The following ATP11C variants were observed in gnomAD, a reference collection of about 807,000 sequenced individuals.
ATP11C encodes ATPase phospholipid transporting 11C (ATP11C blood group).
A neutral mutation model predicts 97.4 loss-of-function variants in ATP11C; 36 were observed. The observed-to-expected ratio is 0.37, with a 90% CI of 0.28 to 0.49. The LOEUF (loss-of-function observed/expected upper bound fraction) is 0.49, where lower values mean the gene tolerates loss of function less well. Ranked by LOEUF, ATP11C falls within the 20% of genes least tolerant of loss-of-function variation. The pLI is 0.98. For missense variants in ATP11C, 730 were observed against 824.6 expected (o/e 0.89, Z 1.40); for synonymous variants, 275 against 290.9 (o/e 0.95, Z 0.56).
intron 1 of ATP11C, among the ~76,000 whole-genome samples, chrX:139,911,806 C>T (rs2085079638): frequency 9.0e-6 from 1 of 111,252 alleles, no homozygotes; most frequent in South Asian, 3.8e-4. Context: ...AATGGATAAA[C>T]TCTAGTAAAC....
rs141648306 is a variant in ATP11C, at chrX:139,740,001, A to G, written c.3134+990T>C. Among the ~76,000 whole-genome samples, 544 of 111,759 alleles carry G rather than the reference A, an allele frequency of 4.9e-3. 5 individuals carry two copies. The highest frequency in any genetic ancestry group is 0.016 in the African/African-American group (503 of 30,858). On this transcript the variant is annotated intron_variant, in intron 27 of 29. Transcript: ENST00000682941. The stretch of plus-strand genomic sequence containing the variant: ...CATATTTTTATTTCTTAAGGTTTTT[A>G]TTTTTAAAAAGCTTTTCAAAATAGA...
intron 1 of ATP11C, among the ~76,000 whole-genome samples, chrX:139,853,279 G>GAGAGAC: frequency 9.1e-6 from 1 of 109,674 alleles, no homozygotes; most frequent in African/African-American, 3.3e-5. Flanking sequence ...AGCAGAGAGA[G>GAGAGAC]AGAGACAGAG....
rs781663475 is a variant in ATP11C, at chrX:139,845,162, T to C, written c.28-18339A>G. ...GGCCCAAGGGACCCTGTCTCTTTCT[T>C]TAGGGGGTTCATAGCCTCCAGTCAG... On this transcript the variant is annotated intron_variant, in intron 1 of 29. Coordinates refer to ENST00000682941, the MANE Select transcript of ATP11C (RefSeq NM_001353812.2). Among the ~76,000 whole-genome samples the C allele has an allele frequency of 7.2e-5, 8 of 110,885 alleles. No homozygotes were observed. The Admixed American group carries it at 7.7e-4, about 11-fold the overall frequency.
At chrX:139,821,710 A>G (rs2083411882) in intron 2 of ATP11C, among the ~76,000 whole-genome samples, 1 of 111,901 alleles carries the variant, frequency 8.9e-6, no homozygotes, top group African/African-American at 3.3e-5. Context: ...TCCTTCATCA[A>G]GTCATGAGCT....
intron 18 of ATP11C, among the ~76,000 whole-genome samples, chrX:139,776,160 T>C (rs1466509784): frequency 8.9e-6 from 1 of 112,625 alleles, no homozygotes; most frequent in African/African-American, 3.2e-5. Flanking sequence ...CCACCCCCTG[T>C]ACACTGTTGT....
At chrX:139,848,637 C>A (rs1245436306) in intron 1 of ATP11C, among the ~76,000 whole-genome samples, 1 of 110,562 alleles carries the variant, frequency 9.0e-6, no homozygotes, top group Admixed American at 9.6e-5. Context: ...GTAGCTGGGC[C>A]TACAGGCATG....
intron 7 of ATP11C, among the ~76,000 whole-genome samples, chrX:139,800,977 T>C (rs1322195028): frequency 8.9e-6 from 1 of 112,141 alleles, no homozygotes; most frequent in Non-Finnish European, 1.9e-5. Flanking sequence ...AAGAAATGGC[T>C]CCTTGCCCTA....
At chrX:139,776,752 C>T (rs2082356772) in intron 18 of ATP11C, among the ~76,000 whole-genome samples, 1 of 111,890 alleles carries the variant, frequency 8.9e-6, no homozygotes, top group South Asian at 3.8e-4. Context: ...AAATAAATAA[C>T]TTGCTGCCAG....
At chrX:139,931,906 T>C in intron 1 of ATP11C, 110 bp downstream of exon 1, 1 of 911,663 alleles carries the variant, frequency 1.1e-6, no homozygotes, top group East Asian at 4.0e-5. Flanking sequence ...GGGGTGGTGG[T>C]GTCTCCCAGA....
chrX:139,787,226 T>G lies in ATP11C; in HGVS notation c.1539A>C (p.Leu513Phe). The G allele has an allele frequency of 1.7e-6, 2 of 1,188,123 alleles. No individual in the cohort carries two copies. The highest frequency in any genetic ancestry group is 2.3e-6 in the Non-Finnish European group (2 of 874,969). Residue 513 changes from leucine to phenylalanine, a missense_variant, in exon 15 of 30, where the codon TTA (leucine) becomes TTC (phenylalanine). By Grantham distance (22) the Leu-to-Phe change is conservative. Coordinates refer to ENST00000682941, the MANE Select transcript of ATP11C (RefSeq NM_001353812.2). ...CTCTCATATATCCATTTCGATTTCC[T>G]AAAAATGTGAACCCGTACCTATCAA... ...KGAKRYGFTF[L>F]GNRNGYMRVE...
At chrX:139,855,202 C>A (rs1028314909) in intron 1 of ATP11C, among the ~76,000 whole-genome samples, 1 of 111,626 alleles carries the variant, frequency 9.0e-6, no homozygotes, top group African/African-American at 3.3e-5. Flanking sequence ...ATAGGTGCTA[C>A]AGGAAATTTC....
At position 139,811,490 on chromosome X, in the gene ATP11C, G is replaced by C. The variant is rs2083174332; in HGVS notation, c.426+3388C>G. Among the ~76,000 whole-genome samples, 4 of 111,057 alleles carry C rather than the reference G, an allele frequency of 3.6e-5. No homozygotes were observed. In the South Asian group the frequency reaches 1.5e-3, roughly 42 times the overall value. ...TTTCCCATCTTATTTAAAAGCACTAGCATTTTCTTTAATAGCACTATGTAA... is the reference window on the plus strand; with the variant it reads ...TTTCCCATCTTATTTAAAAGCACTACCATTTTCTTTAATAGCACTATGTAA... On this transcript the variant is annotated intron_variant, in intron 5 of 29. Coordinates refer to ENST00000682941, the MANE Select transcript of ATP11C (RefSeq NM_001353812.2).
chrX:139,784,428 C>G (rs1196361640), intron 16 of ATP11C, among the ~76,000 whole-genome samples: 1 of 111,699 alleles, frequency 9.0e-6, no homozygotes, highest in East Asian at 2.8e-4. Flanking sequence ...TCTGTATCCT[C>G]CCATTCTGAC....
At chrX:139,925,138 T>TTAC (rs2085331110) in intron 1 of ATP11C, among the ~76,000 whole-genome samples, 1 of 112,017 alleles carries the variant, frequency 8.9e-6, no homozygotes, top group Non-Finnish European at 1.9e-5. Context: ...ATTTCCGTGT[T>TTAC]TACTATATTA....
intron 8 of ATP11C, 45 bp downstream of exon 8, chrX:139,800,015 C>G (rs202223327): frequency 2.6e-5 from 5 of 193,793 alleles, no homozygotes; most frequent in South Asian, 1.2e-4. Context: ...AAAAATAGAC[C>G]CCCCCCCCCA....
intron 1 of ATP11C, among the ~76,000 whole-genome samples, chrX:139,849,596 A>G (rs943756297): frequency 9.0e-6 from 1 of 110,964 alleles, no homozygotes; most frequent in East Asian, 2.9e-4. Context: ...CCTCCTCTTC[A>G]CTCTTTCAGC....
At position 139,742,874 on chromosome X, in the gene ATP11C, AAAATATATATAT is replaced by A. The variant is rs1248162203; in HGVS notation, c.3030+673_3030+684del. Among the ~76,000 whole-genome samples, 36 of 24,179 alleles carry A rather than the reference AAAATATATATAT, an allele frequency of 1.5e-3. No homozygotes were observed. In the South Asian group the frequency reaches 0.025, roughly 17 times the overall value. 21.0% of individuals were successfully genotyped at this position (24,179 alleles called of 115,157 possible). ...TATTTATTTTTAAATTAAAAAAAAAAAAATATATATATATATATATATATATATATATATATA... is the reference window on the plus strand; with the variant it reads ...TATTTATTTTTAAATTAAAAAAAAAAATATATATATATATATATATATATA... On this transcript the variant is annotated intron_variant, in intron 26 of 29. Transcript: ENST00000682941.
At chrX:139,821,297 A>C (rs1396319368) in intron 2 of ATP11C, among the ~76,000 whole-genome samples, 1 of 112,161 alleles carries the variant, frequency 8.9e-6, no homozygotes, top group Non-Finnish European at 1.9e-5. Context: ...AAGAAGGTCC[A>C]CACTTCTTAT....
At chrX:139,930,530 T>TC (rs1277806272) in intron 1 of ATP11C, among the ~76,000 whole-genome samples, 1 of 111,380 alleles carries the variant, frequency 9.0e-6, no homozygotes, top group Non-Finnish European at 1.9e-5. Context: ...CACGCAACAC[T>TC]CCAAGATCAC....
Sources: gnomAD v4.1 joint callset for allele counts (sites outside exome capture counted in the v4.1 genomes callset) on GRCh38, gnomAD v4.1.1 for gene constraint, MANE v1.5 for transcripts, NCBI Gene and HGNC (gene_info 2026-07-23, HGNC 2026-07-21) for gene names.